APBB1IP: variants seen among roughly 807,000 people sequenced by gnomAD.
APBB1IP encodes amyloid beta precursor protein binding family B member 1 interacting protein, also known as amyloid beta A4 precursor protein-binding family B member 1-interacting protein.
A neutral mutation model predicts 64.9 loss-of-function variants in APBB1IP; 27 were observed. The observed-to-expected ratio is 0.42, with a 90% CI of 0.31 to 0.57. The LOEUF (loss-of-function observed/expected upper bound fraction) is 0.57. Ranked by LOEUF, APBB1IP falls within the 20% of genes least tolerant of loss-of-function variation. The pLI is 0.20. For synonymous variants in APBB1IP, 392 were observed against 331.0 expected, an observed-to-expected ratio of 1.18 and a Z score of -2.00; for missense variants, 812 against 845.5, an observed-to-expected ratio of 0.96 and a Z score of 0.49.
In APBB1IP at chr10:26,476,071, T is replaced by C. The variant is rs115144367; in HGVS notation, c.1-16256T>C. ...GCTGTCTTTATAAAAACTTTTTTTT[T>C]TTTTTTTGAGAGAGTCTCCCTCTGT... is the stretch of plus-strand genomic sequence containing the variant. On this transcript the variant is annotated intron_variant, in intron 2 of 14. Transcript: ENST00000376236. Among the ~76,000 whole-genome samples, 479 of 151,790 alleles carry C rather than the reference T, an allele frequency of 3.2e-3. 5 individuals are homozygous for C. The highest frequency in any genetic ancestry group is 0.011 in the African/African-American group (463 of 41,378).
At chr10:26,555,992 C>A (rs1370534628) in intron 11 of APBB1IP, among the ~76,000 whole-genome samples, 1 of 152,160 alleles carries the variant, frequency 6.6e-6, no homozygotes, top group South Asian at 2.1e-4. Flanking sequence ...CTTTCACTAC[C>A]TTTGGCCTTG....
intron 4 of APBB1IP, among the ~76,000 whole-genome samples, chr10:26,500,210 C>CAAAA (rs199918930): frequency 1.2e-5 from 1 of 86,366 alleles, no homozygotes; most frequent in African/African-American, 4.4e-5. Context: ...GACTCTGTCT[C>CAAAA]AAAAAAAAAA....
chr10:26,484,539 A>G (rs1217780598), intron 2 of APBB1IP, among the ~76,000 whole-genome samples: 1 of 152,198 alleles, frequency 6.6e-6, no homozygotes, highest in Non-Finnish European at 1.5e-5. Flanking sequence ...TCCTGACCTC[A>G]GGTGATCCAC....
At chr10:26,495,926 TATATATTTAATATATATAAA>T (rs1160915026) in intron 3 of APBB1IP, among the ~76,000 whole-genome samples, 2 of 143,004 alleles carry the variant, frequency 1.4e-5, no homozygotes, top group Non-Finnish European at 3.0e-5. Context: ...TTTTATATAA[TATATATTTAATATATATAAA>T]ATATATTTTA....
At chr10:26,555,282 T>C (rs1366370916) in intron 11 of APBB1IP, among the ~76,000 whole-genome samples, 1 of 152,180 alleles carries the variant, frequency 6.6e-6, no homozygotes, top group Non-Finnish European at 1.5e-5. Flanking sequence ...CAGGGGATCA[T>C]GTCTAGATTC....
intron 13 of APBB1IP, among the ~76,000 whole-genome samples, chr10:26,561,217 C>T (rs1387173008): frequency 4.6e-5 from 7 of 150,626 alleles, no homozygotes; most frequent in Admixed American, 6.6e-5. Context: ...TACAAGCGCC[C>T]GCCACCATGC....
chr10:26,567,221 G>A lies in APBB1IP; in HGVS notation c.1734G>A (p.Pro578=), dbSNP rs1837061055. 3.0e-6 allele frequency: 4 copies of A among 1,346,300 alleles called. No individual in the cohort carries two copies. The highest frequency in any genetic ancestry group is 1.6e-5 in the South Asian group (1 of 63,100). The allele number at this position is 1,346,300 out of a possible 1,614,324, so 83.4% of individuals were successfully genotyped here. Residue 578 remains proline (P), a synonymous_variant, in exon 15 of 15, where the codon CCG becomes CCA. Coordinates refer to ENST00000376236, the MANE Select transcript of APBB1IP (RefSeq NM_019043.4). Reference sequence around the variant, plus strand: ...CGCCGCCCCCGGACTTCATGGAGCCGCCCCCAGACTTCGTGCCCCCGCCCC... The same window carrying A: ...CGCCGCCCCCGGACTTCATGGAGCCACCCCCAGACTTCGTGCCCCCGCCCC... The part of the protein sequence containing the change: ...LPPPPPDFME[P]PPDFVPPPPP...
At chr10:26,444,794 TAC>T (rs1835373703) in intron 2 of APBB1IP, among the ~76,000 whole-genome samples, 2 of 152,138 alleles carry the variant, frequency 1.3e-5, no homozygotes, top group Non-Finnish European at 2.9e-5. Flanking sequence ...TGCCCAAGGC[TAC>T]ACAGTTTAAG....
chr10:26,537,894 G>A (rs928110110), intron 10 of APBB1IP, among the ~76,000 whole-genome samples: 30 of 145,676 alleles, frequency 2.1e-4, no homozygotes, highest in African/African-American at 3.1e-4. Context: ...AGATCATGCC[G>A]CTGCACTCCA....
intron 11 of APBB1IP, among the ~76,000 whole-genome samples, chr10:26,543,721 G>A (rs1432182994): frequency 1.3e-5 from 2 of 152,122 alleles, no homozygotes; most frequent in African/African-American, 4.8e-5. Context: ...ATATGAGGTA[G>A]GGCTGGGGCC....
chr10:26,557,848 C>T (rs1260946369), intron 11 of APBB1IP, among the ~76,000 whole-genome samples: 1 of 152,064 alleles, frequency 6.6e-6, no homozygotes, highest in Non-Finnish European at 1.5e-5. Flanking sequence ...TTTAAAGACA[C>T]GAGACCCTTT....
At chr10:26,473,452 A>C (rs1019371192) in intron 2 of APBB1IP, among the ~76,000 whole-genome samples, 1 of 152,236 alleles carries the variant, frequency 6.6e-6, no homozygotes, top group Non-Finnish European at 1.5e-5. Flanking sequence ...ACTGCATTTC[A>C]GCGCTGTCTC....
At chr10:26,547,678 C>T (rs981729319) in intron 11 of APBB1IP, among the ~76,000 whole-genome samples, 4 of 152,118 alleles carry the variant, frequency 2.6e-5, no homozygotes, top group African/African-American at 9.7e-5. Context: ...CCCCTGACTT[C>T]AGGTGATTCG....
chr10:26,557,016 A>G (rs949759824), intron 11 of APBB1IP, among the ~76,000 whole-genome samples: 3 of 152,218 alleles, frequency 2.0e-5, no homozygotes, highest in African/African-American at 4.8e-5. Context: ...GTTCCAGCCA[A>G]TAAGTGTTGG....
At chr10:26,501,389 G>T in intron 5 of APBB1IP, 1 of 536,380 alleles carries the variant, frequency 1.9e-6, no homozygotes, top group Non-Finnish European at 3.3e-6. Flanking sequence ...TCAATCTTTT[G>T]GGGGAAATGT....
At chr10:26,452,949 T>A (rs909662572) in intron 2 of APBB1IP, among the ~76,000 whole-genome samples, 1 of 152,232 alleles carries the variant, frequency 6.6e-6, no homozygotes, top group Non-Finnish European at 1.5e-5. Context: ...CTATTCTTTT[T>A]AATTAAGATA....
At chr10:26,439,049 T>A (rs1442389501) in intron 2 of APBB1IP, among the ~76,000 whole-genome samples, 196 bp downstream of exon 2, 1 of 152,192 alleles carries the variant, frequency 6.6e-6, no homozygotes, top group Non-Finnish European at 1.5e-5. Flanking sequence ...ATCTCCACTC[T>A]GGACCCGGCT....
intron 11 of APBB1IP, among the ~76,000 whole-genome samples, chr10:26,557,638 A>C (rs1259843740): frequency 6.6e-6 from 1 of 152,192 alleles, no homozygotes; most frequent in East Asian, 1.9e-4. Flanking sequence ...CACAGGGAGG[A>C]ATATATAGTA....
In APBB1IP at chr10:26,500,893, G is replaced by C. The variant is rs1836088528; in HGVS notation, c.235G>C (p.Glu79Gln). 2 of 1,614,238 alleles carry C rather than the reference G, an allele frequency of 1.2e-6. No individual in the cohort carries two copies. Among genetic ancestry groups the C allele is most frequent in the Admixed American group, 1.7e-5 (1 of 60,016 alleles). The stretch of plus-strand genomic sequence containing the variant: ...TCTGGTAGCAGACATAAGTGAGGCT[G>C]AGCAGAGGACAATCCAGGCACAGAA... ...ADLVADISEA[E>Q]QRTIQAQKES... The change falls in exon 5 of 15, where the codon GAG becomes CAG. Residue 79 changes from glutamate (E) to glutamine (Q), a missense_variant. Physicochemically the swap from Glu to Gln is conservative, Grantham distance 29. This residue lies in a region of APBB1IP where 394 missense variants were observed against 413.1 expected (regional missense o/e 0.95). Transcript: ENST00000376236.
Sources: allele counts gnomAD v4.1 joint callset (sites outside exome capture counted in the v4.1 genomes callset), GRCh38; gene constraint gnomAD v4.1.1; regional missense constraint gnomAD v4.1.1; transcripts MANE v1.5; gene names NCBI Gene and HGNC (gene_info 2026-07-23, HGNC 2026-07-21).